CORO1B: variants seen among roughly 807,000 people sequenced by gnomAD.
The protein encoded by CORO1B is coronin 1B.
A neutral mutation model predicts 51.1 loss-of-function variants in CORO1B; 30 were observed. The observed-to-expected ratio is 0.59, with a 90% CI of 0.44 to 0.80. The LOEUF (loss-of-function observed/expected upper bound fraction) is 0.80. Ranked by LOEUF, CORO1B falls within the 30% of genes least tolerant of loss-of-function variation. The pLI is 0.00. For missense variants in CORO1B, 648 were observed against 700.4 expected (o/e 0.93, Z 0.84); for synonymous variants, 310 against 289.7 (o/e 1.07, Z -0.71).
intron 6 of CORO1B, chr11:67,440,904 T>A (rs990004162): frequency 1.6e-5 from 11 of 679,974 alleles, no homozygotes; most frequent in Non-Finnish European, 2.6e-5. Flanking sequence ...ATGAACAACA[T>A]GGGCAAAGAC....
intron 3 of CORO1B, 44 bp from the exon 4 acceptor site, chr11:67,441,906 C>G: frequency 2.5e-6 from 4 of 1,613,110 alleles, no homozygotes; most frequent in Non-Finnish European, 3.4e-6. Flanking sequence ...TCTGCTGGTC[C>G]TATTGCTGGC....
At position 67,436,059 on chromosome 11, in the gene CORO1B, A is replaced by G; in HGVS notation, c.*2317T>C. 6.2e-7 allele frequency: 1 copy of G among 1,613,012 alleles called. No homozygotes were observed. The highest frequency in any genetic ancestry group is 8.5e-7 in the Non-Finnish European group (1 of 1,179,754). On this transcript the variant is annotated 3_prime_UTR_variant, in exon 11 of 11. Transcript: ENST00000341356. ...TGTCGCTCAAGGTCATTGTCTGTGG[A>G]CCCCAGCTCAGCTCGGGCCTGCAGC...
In CORO1B at chr11:67,437,942, C is replaced by T; in HGVS notation, c.*434G>A. On this transcript the variant is annotated 3_prime_UTR_variant, in exon 11 of 11. Coordinates refer to ENST00000341356, the MANE Select transcript of CORO1B (RefSeq NM_020441.3). ...ATCCAGGGGAGCAATGCCTGTGGGG[C>T]TGCTCACTGCCCCCAGACCTTCTGC... 2.7e-6 allele frequency: 1 copy of T among 369,224 alleles called. No individual in the cohort carries two copies. Among genetic ancestry groups the T allele is most frequent in the Middle Eastern group, 6.9e-4 (1 of 1,454 alleles). The allele number at this position is 369,224 out of a possible 1,614,324, so 22.9% of individuals were successfully genotyped here.
Position 67,438,783 on chromosome 11 carries a change from ACGT to A in CORO1B, c.1229_1231del (p.Asn410_Val411delinsMet). 1 of 1,595,750 alleles carries A rather than the reference ACGT, an allele frequency of 6.3e-7. No individual in the cohort carries two copies. The highest frequency in any genetic ancestry group is 8.5e-7 in the Non-Finnish European group (1 of 1,173,666). On this transcript the variant is annotated inframe_deletion, in exon 10 of 11. Coordinates refer to ENST00000341356, the MANE Select transcript of CORO1B (RefSeq NM_020441.3). ...CATGGCGGGCCGGCTGTCAGACAAC[ACGT>A]TGCGCCGGCTGATCTTCAGGTCCCG...
Position 67,437,692 on chromosome 11 carries a change from G to T in CORO1B, c.*684C>A. On this transcript the variant is annotated 3_prime_UTR_variant, in exon 11 of 11. Transcript: ENST00000341356. ...GTGTCGAGCGAGAAGTGAGCTCAGT[G>T]CTCGTCTGCAGTGAAGGGTGGCCCA... 7.5e-7 allele frequency: 1 copy of T among 1,331,400 alleles called. No individual in the cohort carries two copies. The highest frequency in any genetic ancestry group is 9.7e-7 in the Non-Finnish European group (1 of 1,030,282). The allele number at this position is 1,331,400 out of a possible 1,614,324, so 82.5% of individuals were successfully genotyped here. A position where few individuals can be genotyped will look rare whatever the true frequency, so the allele number is the denominator to read the frequency against.
Position 67,441,882 on chromosome 11 carries a change from AC to A in CORO1B, c.325-21del. 1 of 1,613,056 alleles carries A rather than the reference AC, an allele frequency of 6.2e-7. No individual in the cohort carries two copies. The highest frequency in any genetic ancestry group is 8.5e-7 in the Non-Finnish European group (1 of 1,179,962). On this transcript the variant is annotated intron_variant, in intron 3 of 10. Coordinates refer to ENST00000341356, the MANE Select transcript of CORO1B (RefSeq NM_020441.3). The stretch of plus-strand genomic sequence containing the variant: ...CCACACCTGTGGTAGGGACAGGGCC[AC>A]CGAGCTCAGTCCTCTGCTGGTCCTA...
intron 6 of CORO1B, 104 bp downstream of exon 6, chr11:67,441,021 G>A: frequency 6.4e-7 from 1 of 1,552,032 alleles, no homozygotes. Context: ...TCAAGTTCCA[G>A]GCAGAGAAGC....
chr11:67,439,093 C>T (rs919812383), intron 9 of CORO1B, 144 bp from the exon 10 acceptor site: 2 of 945,784 alleles, frequency 2.1e-6, no homozygotes, highest in Non-Finnish European at 3.1e-6. Flanking sequence ...AACTTCCTTT[C>T]TGGACACCAT....
chr11:67,440,723 G>A (rs1389535606), intron 6 of CORO1B: 6 of 655,100 alleles, frequency 9.2e-6, no homozygotes, highest in Non-Finnish European at 1.7e-5. Flanking sequence ...GAGCTGGGGT[G>A]CCAGCGGCAC....
At chr11:67,443,054 G>A (rs1298040963) in intron 1 of CORO1B, among the ~76,000 whole-genome samples, 1 of 152,176 alleles carries the variant, frequency 6.6e-6, no homozygotes, top group East Asian at 1.9e-4. Context: ...AGCAGGAAAA[G>A]TCTCTCTACT....
chr11:67,438,295 G>C lies in CORO1B; in HGVS notation c.*81C>G. The C allele has an allele frequency of 1.3e-6, 2 of 1,529,844 alleles. No individual in the cohort carries two copies. The highest frequency in any genetic ancestry group is 1.8e-6 in the Non-Finnish European group (2 of 1,136,882). 94.8% of individuals were successfully genotyped at this position (1,529,844 alleles called of 1,614,324 possible). A position where few individuals can be genotyped will look rare whatever the true frequency, so the allele number is the denominator to read the frequency against. ...CTGCCTCAGAGGCTCTGGGCAGCCA[G>C]CTAGCCCGGTGCGACCCGCTGGCAG... On this transcript the variant is annotated 3_prime_UTR_variant, in exon 11 of 11. Coordinates refer to ENST00000341356, the MANE Select transcript of CORO1B (RefSeq NM_020441.3).
intron 6 of CORO1B, chr11:67,440,669 T>C: frequency 1.5e-6 from 1 of 678,826 alleles, no homozygotes; most frequent in South Asian, 1.5e-5. Flanking sequence ...CTTAAGACTA[T>C]GCCCAGGCCA....
intron 1 of CORO1B, 140 bp from the exon 2 acceptor site, chr11:67,442,770 A>C: frequency 1.3e-6 from 1 of 793,482 alleles, no homozygotes; most frequent in Non-Finnish European, 2.0e-6. Context: ...ACCCAGTTAC[A>C]GAATGGGGTC....
chr11:67,440,948 G>A, intron 6 of CORO1B, 177 bp downstream of exon 6: 7 of 826,278 alleles, frequency 8.5e-6, no homozygotes, highest in Non-Finnish European at 1.4e-5. Flanking sequence ...GGGAGTGGTG[G>A]GGCAGTCGGG....
chr11:67,437,517 G>T lies in CORO1B; in HGVS notation c.*859C>A. The T allele has an allele frequency of 7.9e-7, 1 of 1,271,160 alleles. No homozygotes were observed. The highest frequency in any genetic ancestry group is 1.0e-6 in the Non-Finnish European group (1 of 982,620). 78.7% of individuals were successfully genotyped at this position (1,271,160 alleles called of 1,614,324 possible). On this transcript the variant is annotated 3_prime_UTR_variant, in exon 11 of 11. Coordinates refer to ENST00000341356, the MANE Select transcript of CORO1B (RefSeq NM_020441.3). ...CCTCTTAGGTCTCACCTCTTCCCTG[G>T]GGCCAATGTGGGGCCCTCCTTAGCT...
chr11:67,443,319 T>TC (rs1389443809), intron 1 of CORO1B, 85 bp downstream of exon 1: 1 of 231,738 alleles, frequency 4.3e-6, no homozygotes, highest in Non-Finnish European at 7.1e-6. Flanking sequence ...GGACCCGCGA[T>TC]CCCCCCTCAG....
chr11:67,442,340 C>G, intron 2 of CORO1B, 88 bp downstream of exon 2: 5 of 1,411,138 alleles, frequency 3.5e-6, no homozygotes, highest in Non-Finnish European at 4.9e-6. Context: ...GTGTGAGAAA[C>G]GGCAAGATGA....
intron 1 of CORO1B, 28 bp from the exon 2 acceptor site, chr11:67,442,658 C>G (rs1439295485): frequency 1.9e-6 from 3 of 1,601,090 alleles, no homozygotes; most frequent in Admixed American, 3.3e-5. Context: ...CTGGGTCAGT[C>G]CGGCCCATCC....
At position 67,438,247 on chromosome 11, in the gene CORO1B, G is replaced by C. The variant is rs575696255; in HGVS notation, c.*129C>G. ...GCTTCGGCCTGGGCCTGGGACGGGT[G>C]GGGGTGGGAACTGACCCCTGCGCTG... On this transcript the variant is annotated 3_prime_UTR_variant, in exon 11 of 11. Transcript: ENST00000341356. 23 of 1,181,932 alleles carry C rather than the reference G, an allele frequency of 1.9e-5. No homozygotes were observed. In the Admixed American group the frequency reaches 4.2e-4, roughly 22 times the overall value. The allele number at this position is 1,181,932 out of a possible 1,614,324, so 73.2% of individuals were successfully genotyped here. A position where few individuals can be genotyped will look rare whatever the true frequency, so the allele number is the denominator to read the frequency against.
Sources: gnomAD v4.1 joint callset for allele counts (sites outside exome capture counted in the v4.1 genomes callset) on GRCh38, gnomAD v4.1.1 for gene constraint, MANE v1.5 for transcripts, NCBI Gene and HGNC (gene_info 2026-07-23, HGNC 2026-07-21) for gene names.